The following CFAP299 variants were observed in gnomAD, a reference collection of about 807,000 sequenced individuals.
The protein encoded by CFAP299 is cilia and flagella associated protein 299.
In CFAP299, 21 loss-of-function variants were observed where a neutral mutation model predicts 27.0. The ratio of observed to expected loss-of-function variants is 0.78; its 90% CI spans 0.55 to 1.12. The LOEUF is 1.12. CFAP299 is among the 50% of genes most tolerant of loss of function. CFAP299 has a pLI of 0.00. For missense variants in CFAP299, 310 were observed against 276.6 expected (o/e 1.12, Z -0.86); for synonymous variants, 104 against 98.1 (o/e 1.06, Z -0.36).
At chr4:80,580,967 G>C (rs753577694) in intron 2 of CFAP299, among the ~76,000 whole-genome samples, 1 of 151,874 alleles carries the variant, frequency 6.6e-6, no homozygotes, top group African/African-American at 2.4e-5. Context: ...ATGAAGAGCC[G>C]CAGTAAACCT....
At position 80,549,856 on chromosome 4, in the gene CFAP299, A is replaced by G. The variant is rs151070090; in HGVS notation, c.243-33237A>G. The stretch of plus-strand genomic sequence containing the variant: ...AAATATAATTTTTGATACATACATT[A>G]AACACAGTTTATTTATATTTTATAA... On this transcript the variant is annotated intron_variant, in intron 2 of 5. Transcript: ENST00000358105. Among the ~76,000 whole-genome samples, 216 of 152,196 alleles carry G rather than the reference A, an allele frequency of 1.4e-3. 1 individual carries two copies. Among genetic ancestry groups the G allele is most frequent in the African/African-American group, 5.0e-3 (206 of 41,570 alleles).
At chr4:80,618,983 G>T (rs1319674480) in intron 3 of CFAP299, among the ~76,000 whole-genome samples, 1 of 152,098 alleles carries the variant, frequency 6.6e-6, no homozygotes, top group African/African-American at 2.4e-5. Flanking sequence ...ACCTGTATGT[G>T]TAATATTTAT....
chr4:80,440,996 A>G (rs1261647688), intron 2 of CFAP299, among the ~76,000 whole-genome samples: 1 of 152,238 alleles, frequency 6.6e-6, no homozygotes, highest in African/African-American at 2.4e-5. Flanking sequence ...GTGTGAAGAC[A>G]AGATGAGAGA....
intron 4 of CFAP299, among the ~76,000 whole-genome samples, chr4:80,926,588 G>T (rs1194808802): frequency 6.6e-6 from 1 of 151,968 alleles, no homozygotes; most frequent in Admixed American, 6.6e-5. Context: ...GAACAACCTA[G>T]GATAATCCAC....
Position 80,871,196 on chromosome 4 carries a change from C to T in CFAP299, c.476+1061C>T, listed in dbSNP as rs545743128. 1.1e-4 allele frequency: 112 copies of T among 985,042 alleles called. No homozygotes were observed. The African/African-American group carries it at 1.9e-3, about 17-fold the overall frequency. The allele number at this position is 985,042 out of a possible 1,614,324, so 61.0% of individuals were successfully genotyped here. On this transcript the variant is annotated intron_variant, in intron 4 of 5. Transcript: ENST00000358105. The stretch of plus-strand genomic sequence containing the variant: ...TGCTGGGATTACAGGCGTCAGCCAC[C>T]GAGCCTGACTCCCATCTCCACTGTA...
intron 3 of CFAP299, among the ~76,000 whole-genome samples, chr4:80,742,842 A>G (rs933748200): frequency 2.0e-5 from 3 of 152,206 alleles, no homozygotes; most frequent in Admixed American, 1.3e-4. Context: ...AGACACCCCC[A>G]GTGTCCTATT....
chr4:80,385,824 T>TGGA (rs1283184785), intron 2 of CFAP299, among the ~76,000 whole-genome samples: 1 of 152,230 alleles, frequency 6.6e-6, no homozygotes, highest in African/African-American at 2.4e-5. Flanking sequence ...GGAGGCAGCC[T>TGGA]GGAGGCAGAG....
rs10002326 is a variant in CFAP299 at position 80,733,716 on chromosome 4, T to A, written c.334-136277T>A. Among the ~76,000 whole-genome samples the A allele has an allele frequency of 1.3e-5, 2 of 152,134 alleles. 1 individual carries two copies. Among genetic ancestry groups the A allele is most frequent in the Admixed American group, 1.3e-4 (2 of 15,260 alleles). Reference sequence around the variant, plus strand: ...CCCACAAATATGTGACACTGAGTGATGTTTGCCTTTCCATGGCTTGCTTAT... The same window carrying A: ...CCCACAAATATGTGACACTGAGTGAAGTTTGCCTTTCCATGGCTTGCTTAT... On this transcript the variant is annotated intron_variant, in intron 3 of 5. Coordinates refer to ENST00000358105, the MANE Select transcript of CFAP299 (RefSeq NM_152770.3).
chr4:80,907,093 C>T (rs2101840), intron 4 of CFAP299, among the ~76,000 whole-genome samples: 2,908 of 152,250 alleles, frequency 0.019, 72 homozygotes, highest in African/African-American at 0.064. Context: ...TACCCTAAAT[C>T]ATTTCCCTCA....
chr4:80,388,424 G>C, intron 2 of CFAP299: 1 of 788,322 alleles, frequency 1.3e-6, no homozygotes, highest in Non-Finnish European at 2.2e-6. Context: ...TGCCGAAGGT[G>C]TGTAGATTGT....
At chr4:80,858,016 G>A (rs1457171712) in intron 3 of CFAP299, among the ~76,000 whole-genome samples, 4 of 151,992 alleles carry the variant, frequency 2.6e-5, no homozygotes, top group African/African-American at 4.8e-5. Context: ...GGTAGAATTC[G>A]GCTGTGAATC....
intron 3 of CFAP299, among the ~76,000 whole-genome samples, chr4:80,583,588 C>T (rs375892511): frequency 1.3e-5 from 2 of 151,814 alleles, no homozygotes; most frequent in South Asian, 2.1e-4. Flanking sequence ...CCTTTTAGTC[C>T]TACCTTGGAA....
intron 3 of CFAP299, among the ~76,000 whole-genome samples, chr4:80,730,650 C>T (rs930293776): frequency 1.3e-5 from 2 of 152,150 alleles, no homozygotes; most frequent in Non-Finnish European, 2.9e-5. Context: ...ACTACAATCT[C>T]ATTAGGGACC....
chr4:80,373,663 G>T (rs1289718259), intron 2 of CFAP299, among the ~76,000 whole-genome samples: 1 of 152,126 alleles, frequency 6.6e-6, no homozygotes, highest in Non-Finnish European at 1.5e-5. Flanking sequence ...GCCCTTGGTG[G>T]TCATTGGGCA....
chr4:80,366,634 A>G (rs1054081059), intron 2 of CFAP299, among the ~76,000 whole-genome samples: 1 of 152,204 alleles, frequency 6.6e-6, no homozygotes, highest in African/African-American at 2.4e-5. Context: ...TGGGAATGGA[A>G]AATGGAAAAC....
intron 4 of CFAP299, among the ~76,000 whole-genome samples, chr4:80,934,799 G>A (rs1736806453): frequency 6.6e-6 from 1 of 151,634 alleles, no homozygotes; most frequent in Non-Finnish European, 1.5e-5. Context: ...TCTACTTAAG[G>A]TATGTCAACT....
chr4:80,567,731 TTATATA>T (rs10605376), intron 2 of CFAP299, among the ~76,000 whole-genome samples: 3 of 148,728 alleles, frequency 2.0e-5, no homozygotes, highest in Admixed American at 6.7e-5. Context: ...TCTAATGTAT[TTATATA>T]TATATATATA....
chr4:80,791,983 G>A (rs1386925831), intron 3 of CFAP299, among the ~76,000 whole-genome samples: 1 of 151,554 alleles, frequency 6.6e-6, no homozygotes, highest in African/African-American at 2.4e-5. Flanking sequence ...TCAGCAAATG[G>A]CTACTAAATA....
chr4:80,512,536 G>T (rs967503610), intron 2 of CFAP299, among the ~76,000 whole-genome samples: 1 of 152,028 alleles, frequency 6.6e-6, no homozygotes, highest in Non-Finnish European at 1.5e-5. Context: ...CTATATAATA[G>T]GTGTGAGCTG....
Sources: gnomAD v4.1 joint callset for allele counts (sites outside exome capture counted in the v4.1 genomes callset) on GRCh38, gnomAD v4.1.1 for gene constraint, MANE v1.5 for transcripts, NCBI Gene and HGNC (gene_info 2026-07-23, HGNC 2026-07-21) for gene names.